Variants in MAP3K9 observed in about 807,000 individuals in gnomAD.
MAP3K9 encodes mitogen-activated protein kinase kinase kinase 9.
A neutral mutation model predicts 95.8 loss-of-function variants in MAP3K9; 46 were observed. The observed-to-expected ratio is 0.48, with a 90% CI of 0.38 to 0.61. The LOEUF is 0.61. MAP3K9 is among the 20% of genes least tolerant of loss of function. The pLI is 0.00. For synonymous variants in MAP3K9, 533 were observed against 593.8 expected (o/e 0.90, Z 1.49); for missense variants, 1,296 against 1,474.3 (o/e 0.88, Z 1.98).
chr14:70,783,417 C>A, intron 2 of MAP3K9: 1 of 985,168 alleles, frequency 1.0e-6, no homozygotes, highest in Non-Finnish European at 1.2e-6. Context: ...GAAGCTCCCT[C>A]ATTTCCTGCT....
rs200938630 is a variant in MAP3K9, at chr14:70,808,758, C to A, written c.406+8G>T. 665 of 1,459,578 alleles carry A rather than the reference C, an allele frequency of 4.6e-4. 1 individual carries two copies. The African/African-American group carries it at 8.9e-3, about 19-fold the overall frequency. 90.4% of individuals were successfully genotyped at this position (1,459,578 alleles called of 1,614,324 possible). ...CCCCCTCCCCGCCCGGCCCCGCCTTCGCCTTACACTGAATGGGCGGGTAGC... is the reference window on the plus strand; with the variant it reads ...CCCCCTCCCCGCCCGGCCCCGCCTTAGCCTTACACTGAATGGGCGGGTAGC... On this transcript the variant is annotated splice_region_variant and intron_variant, in intron 1 of 11. Coordinates refer to ENST00000554752, the MANE Select transcript of MAP3K9 (RefSeq NM_001284230.2).
chr14:70,733,403 A>G, intron 10 of MAP3K9, 61 bp from the exon 11 acceptor site: 1 of 758,426 alleles, frequency 1.3e-6, no homozygotes, highest in Non-Finnish European at 2.1e-6. Flanking sequence ...CAGGAATAAG[A>G]ATCTGGCCCT....
At chr14:70,777,952 C>T (rs1044993655) in intron 2 of MAP3K9, among the ~76,000 whole-genome samples, 8 of 152,122 alleles carry the variant, frequency 5.3e-5, no homozygotes, top group Non-Finnish European at 8.8e-5. Flanking sequence ...TAAAAGATAC[C>T]AACCACTGTG....
chr14:70,762,774 T>G (rs1294865238), intron 2 of MAP3K9, among the ~76,000 whole-genome samples: 4 of 152,218 alleles, frequency 2.6e-5, no homozygotes, highest in Non-Finnish European at 5.9e-5. Context: ...TTTTATTTAT[T>G]GCACATACTT....
At chr14:70,740,295 G>T in intron 6 of MAP3K9, 131 bp from the exon 7 acceptor site, 1 of 922,712 alleles carries the variant, frequency 1.1e-6, no homozygotes. Context: ...TGTTCACCTG[G>T]GAAATGTTCT....
intron 2 of MAP3K9, among the ~76,000 whole-genome samples, chr14:70,799,759 T>C (rs2054908304): frequency 6.6e-6 from 1 of 152,224 alleles, no homozygotes; most frequent in Non-Finnish European, 1.5e-5. Flanking sequence ...AGCTGAAGGA[T>C]GCAAAGAGAG....
rs1197127203 is a variant in MAP3K9, at chr14:70,748,400, C to T, written c.1326+429G>A. Among the ~76,000 whole-genome samples, 29 of 152,188 alleles carry T rather than the reference C, an allele frequency of 1.9e-4. 1 individual carries two copies. Among genetic ancestry groups the T allele is most frequent in the Admixed American group, 1.9e-3 (29 of 15,278 alleles). On this transcript the variant is annotated intron_variant, in intron 5 of 11. Transcript: ENST00000554752. ...TCATAAAAACATGAAAAATGCCACA[C>T]AATTTCAGACCCATGTTATTTTTTG...
intron 1 of MAP3K9, among the ~76,000 whole-genome samples, chr14:70,801,878 G>A (rs1366897461): frequency 1.3e-5 from 2 of 152,170 alleles, no homozygotes; most frequent in Non-Finnish European, 2.9e-5. Flanking sequence ...CATGGAGTAC[G>A]AAGTATACGG....
At chr14:70,746,371 C>T (rs986762727) in intron 5 of MAP3K9, among the ~76,000 whole-genome samples, 1 of 152,238 alleles carries the variant, frequency 6.6e-6, no homozygotes, top group East Asian at 1.9e-4. Context: ...GACCCTTAGA[C>T]ATGTTGAATC....
intron 5 of MAP3K9, among the ~76,000 whole-genome samples, chr14:70,744,716 G>A (rs1258009331): frequency 2.6e-5 from 4 of 152,190 alleles, no homozygotes; most frequent in Non-Finnish European, 5.9e-5. Context: ...GAAACAAACT[G>A]CTCAATGAGC....
At chr14:70,754,175 C>A (rs1372704237) in intron 3 of MAP3K9, among the ~76,000 whole-genome samples, 2 of 152,236 alleles carry the variant, frequency 1.3e-5, no homozygotes, top group East Asian at 3.9e-4. Context: ...ATTAACTGAA[C>A]CCTCATTCAA....
chr14:70,808,197 G>A (rs534753758), intron 1 of MAP3K9, among the ~76,000 whole-genome samples: 3 of 152,324 alleles, frequency 2.0e-5, no homozygotes, highest in South Asian at 2.1e-4. Flanking sequence ...ATAAGAAATA[G>A]GATCCAAGAA....
At chr14:70,774,939 G>A (rs1267075003) in intron 2 of MAP3K9, among the ~76,000 whole-genome samples, 1 of 116,178 alleles carries the variant, frequency 8.6e-6, no homozygotes, top group East Asian at 2.8e-4. Context: ...AGCCAAGATC[G>A]TGCCACTGCA....
chr14:70,741,280 G>T (rs1347895964), intron 6 of MAP3K9, among the ~76,000 whole-genome samples: 1 of 152,054 alleles, frequency 6.6e-6, no homozygotes, highest in Non-Finnish European at 1.5e-5. Flanking sequence ...AATAGAGACG[G>T]GGTATCTGCA....
At chr14:70,798,639 C>T (rs2054893897) in intron 2 of MAP3K9, among the ~76,000 whole-genome samples, 2 of 151,064 alleles carry the variant, frequency 1.3e-5, no homozygotes, top group African/African-American at 2.4e-5. Context: ...CCACTACGCC[C>T]GGCTAATTTT....
At chr14:70,790,488 T>C in intron 2 of MAP3K9, among the ~76,000 whole-genome samples, 1 of 152,330 alleles carries the variant, frequency 6.6e-6, no homozygotes, top group South Asian at 2.1e-4. Flanking sequence ...GGCCAGTCAG[T>C]GTCAAGGACA....
chr14:70,808,780 T>A lies in MAP3K9; in HGVS notation c.392A>T (p.Tyr131Phe). 1 of 1,395,178 alleles carries A rather than the reference T, an allele frequency of 7.2e-7. No individual in the cohort carries two copies. Among genetic ancestry groups the A allele is most frequent in the Non-Finnish European group, 9.5e-7 (1 of 1,053,458 alleles). The allele number at this position is 1,395,178 out of a possible 1,614,324, so 86.4% of individuals were successfully genotyped here. A position where few individuals can be genotyped will look rare whatever the true frequency, so the allele number is the denominator to read the frequency against. ...CQPGGEDPSCYPPIQLLEIDF... is the reference protein window; with the variant it reads ...CQPGGEDPSCFPPIQLLEIDF... ...CTTCGCCTTACACTGAATGGGCGGGTAGCAACTGGGGTCCTCGCCGCCGGG... is the reference window on the plus strand; with the variant it reads ...CTTCGCCTTACACTGAATGGGCGGGAAGCAACTGGGGTCCTCGCCGCCGGG... The change falls in exon 1 of 12, where the codon TAC (tyrosine) becomes TTC (phenylalanine). Residue 131 changes from tyrosine to phenylalanine, a missense_variant. Tyr to Phe is a conservative substitution (Grantham distance 22). This residue lies in a region of MAP3K9 where 338 missense variants were observed against 363.4 expected (regional missense o/e 0.93). Coordinates refer to ENST00000554752, the MANE Select transcript of MAP3K9 (RefSeq NM_001284230.2).
rs959106210 is a variant in MAP3K9 at position 70,808,631 on chromosome 14, C to T, written c.406+135G>A. The T allele has an allele frequency of 2.3e-5, 12 of 514,562 alleles. No homozygotes were observed. In the Admixed American group the frequency reaches 4.3e-4, roughly 18 times the overall value. 31.9% of individuals were successfully genotyped at this position (514,562 alleles called of 1,614,324 possible). A position where few individuals can be genotyped will look rare whatever the true frequency, so the allele number is the denominator to read the frequency against. On this transcript the variant is annotated intron_variant, in intron 1 of 11. Coordinates refer to ENST00000554752, the MANE Select transcript of MAP3K9 (RefSeq NM_001284230.2). ...AAAGCCCGGGCAGCCTAAGCGCGCG[C>T]CACCCACACCCAGGTCAATCGTCCT...
At chr14:70,771,842 C>T (rs780635046) in intron 2 of MAP3K9, among the ~76,000 whole-genome samples, 2 of 152,322 alleles carry the variant, frequency 1.3e-5, no homozygotes, top group Middle Eastern at 3.4e-3. Context: ...TCCTACAGCA[C>T]GTTGCCTCCA....
Sources: allele counts gnomAD v4.1 joint callset (sites outside exome capture counted in the v4.1 genomes callset), GRCh38; gene constraint gnomAD v4.1.1; regional missense constraint gnomAD v4.1.1; transcripts MANE v1.5; gene names NCBI Gene and HGNC (gene_info 2026-07-23, HGNC 2026-07-21).